CSMD1: variants seen among roughly 807,000 people sequenced by gnomAD.
The protein encoded by CSMD1 is CUB and sushi domain-containing protein 1.
In CSMD1, 213 loss-of-function variants were observed where a neutral mutation model predicts 417.5. The observed-to-expected ratio is 0.51, with a 90% CI of 0.46 to 0.57. CSMD1 has a LOEUF of 0.57. Ranked by LOEUF, CSMD1 falls within the 20% of genes least tolerant of loss-of-function variation. CSMD1 has a pLI of 0.00. For synonymous variants in CSMD1, 2,862 were observed against 1,736.8 expected (o/e 1.65, Z -16.11); for missense variants, 6,923 against 4,529.7 (o/e 1.53, Z -15.17).
intron 21 of CSMD1, among the ~76,000 whole-genome samples, chr8:3,354,747 A>G (rs1206123981): frequency 6.6e-6 from 1 of 151,146 alleles, no homozygotes; most frequent in Non-Finnish European, 1.5e-5. Flanking sequence ...ACCCAAAATT[A>G]AATAACTACA....
intron 23 of CSMD1, among the ~76,000 whole-genome samples, chr8:3,308,731 AGTTTT>A (rs1471811032): frequency 1.3e-5 from 1 of 75,828 alleles, no homozygotes; most frequent in African/African-American, 4.9e-5. Context: ...CCTACTTACA[AGTTTT>A]TTTTTTTTTT....
chr8:3,709,868 T>TGA (rs1801408185), intron 6 of CSMD1, among the ~76,000 whole-genome samples: 1 of 150,426 alleles, frequency 6.6e-6, no homozygotes, highest in Admixed American at 6.6e-5. Flanking sequence ...TGTGTGTGTG[T>TGA]ACACATGCAC....
chr8:3,011,270 G>C (rs1459791086), intron 52 of CSMD1, among the ~76,000 whole-genome samples: 1 of 152,174 alleles, frequency 6.6e-6, no homozygotes, highest in Non-Finnish European at 1.5e-5. Flanking sequence ...GGTATAGGGA[G>C]TTTTCCTGAC....
chr8:3,360,451 A>C (rs1295530943), intron 20 of CSMD1, among the ~76,000 whole-genome samples: 1 of 152,174 alleles, frequency 6.6e-6, no homozygotes, highest in Non-Finnish European at 1.5e-5. Context: ...GGGAAGTGAG[A>C]AAGTGTGGGT....
At chr8:3,443,267 A>T (rs960636597) in intron 12 of CSMD1, among the ~76,000 whole-genome samples, 1 of 152,160 alleles carries the variant, frequency 6.6e-6, no homozygotes, top group Non-Finnish European at 1.5e-5. Context: ...GATGGGTTGG[A>T]AGACTGATTG....
At chr8:3,094,691 C>T (rs1185263185) in intron 47 of CSMD1, among the ~76,000 whole-genome samples, 1 of 150,956 alleles carries the variant, frequency 6.6e-6, no homozygotes, top group African/African-American at 2.4e-5. Context: ...ATGGGATATC[C>T]ACTACTTAAG....
intron 10 of CSMD1, chr8:3,515,160 G>C (rs1047862942): frequency 1.3e-5 from 2 of 152,164 alleles, no homozygotes; most frequent in Non-Finnish European, 2.9e-5. Context: ...TCAAGAAGTA[G>C]TCATGAAAGT....
intron 2 of CSMD1, among the ~76,000 whole-genome samples, chr8:4,553,936 A>T (rs2130577681): frequency 6.6e-6 from 1 of 152,226 alleles, no homozygotes; most frequent in African/African-American, 2.4e-5. Context: ...ATTGACCTCA[A>T]TGTGAAGGAG....
At chr8:4,515,662 G>A (rs13275581) in intron 2 of CSMD1, among the ~76,000 whole-genome samples, 40,586 of 151,960 alleles carry the variant, frequency 0.27, 6,442 homozygotes, top group East Asian at 0.4. Context: ...TTCCCTCTAG[G>A]GTGTTTGCCT....
At chr8:3,020,405 C>T (rs927221026) in intron 51 of CSMD1, among the ~76,000 whole-genome samples, 1 of 152,204 alleles carries the variant, frequency 6.6e-6, no homozygotes, top group East Asian at 1.9e-4. Flanking sequence ...CTTGCTCTGT[C>T]ACTCAGGCTA....
At chr8:4,035,083 C>G (rs1425264213) in intron 3 of CSMD1, among the ~76,000 whole-genome samples, 1 of 152,104 alleles carries the variant, frequency 6.6e-6, no homozygotes, top group Non-Finnish European at 1.5e-5. Context: ...ACGAAACATT[C>G]TACAGTAATA....
chr8:4,161,511 C>A (rs996209004), intron 3 of CSMD1, among the ~76,000 whole-genome samples: 2 of 152,218 alleles, frequency 1.3e-5, no homozygotes, highest in Non-Finnish European at 1.5e-5. Flanking sequence ...AGGACTGAAC[C>A]CAAGCTGAAC....
intron 52 of CSMD1, 72 bp from the exon 53 acceptor site, chr8:3,000,203 A>C (rs1807277193): frequency 1.8e-6 from 2 of 1,133,562 alleles, no homozygotes; most frequent in Admixed American, 5.1e-5. Context: ...CACAACTTTT[A>C]TTATCAAGTC....
chr8:4,851,531 T>G (rs968039901), intron 1 of CSMD1, among the ~76,000 whole-genome samples: 1 of 152,126 alleles, frequency 6.6e-6, no homozygotes, highest in African/African-American at 2.4e-5. Context: ...TTCTCCAGGG[T>G]TGAGGTAGTC....
intron 23 of CSMD1, among the ~76,000 whole-genome samples, chr8:3,342,405 A>C (rs1400820614): frequency 6.6e-6 from 1 of 152,184 alleles, no homozygotes; most frequent in Non-Finnish European, 1.5e-5. Context: ...TTCTAATGTC[A>C]TGGTGTTCAG....
chr8:4,782,808 A>T lies in CSMD1; in HGVS notation c.86-145250T>A, dbSNP rs545065445. The stretch of plus-strand genomic sequence containing the variant: ...GATTCCTGATTATATCTATTTTCAC[A>T]TGGTCCACCAATTTAAATTTAGAAA... On this transcript the variant is annotated intron_variant, in intron 1 of 69. Coordinates refer to ENST00000635120, the MANE Select transcript of CSMD1 (RefSeq NM_033225.6). 3.9e-5 allele frequency among the ~76,000 whole-genome samples: 6 copies of T among 152,266 alleles called. No homozygotes were observed. The South Asian group carries it at 1.2e-3, about 32-fold the overall frequency.
intron 6 of CSMD1, among the ~76,000 whole-genome samples, chr8:3,716,103 C>A (rs545374532): frequency 1.1e-4 from 17 of 152,328 alleles, no homozygotes; most frequent in African/African-American, 4.1e-4. Flanking sequence ...AAAGCACTTT[C>A]TGCCCTTTGC....
chr8:4,081,994 G>T (rs535237003), intron 3 of CSMD1, among the ~76,000 whole-genome samples: 2 of 151,620 alleles, frequency 1.3e-5, no homozygotes, highest in Non-Finnish European at 2.9e-5. Context: ...GAAGTTAATA[G>T]GAAAAAAATA....
chr8:3,848,657 AT>A (rs1447175230), intron 5 of CSMD1, among the ~76,000 whole-genome samples: 1 of 152,086 alleles, frequency 6.6e-6, no homozygotes, highest in East Asian at 1.9e-4. Context: ...TTAAAGCCAG[AT>A]TTTTCATTTC....
Sources: allele counts gnomAD v4.1 joint callset (sites outside exome capture counted in the v4.1 genomes callset), GRCh38; gene constraint gnomAD v4.1.1; transcripts MANE v1.5; gene names NCBI Gene and HGNC (gene_info 2026-07-23, HGNC 2026-07-21).